Variants in SCML4 observed in about 807,000 individuals in gnomAD.
SCML4 encodes the protein Scm polycomb group protein like 4.
In SCML4, 34 loss-of-function variants were observed where a neutral mutation model predicts 41.1. The observed-to-expected ratio is 0.83, with a 90% confidence interval of 0.63 to 1.10. The LOEUF is 1.10. SCML4 is among the 50% of genes least tolerant of loss of function. The probability of loss-of-function intolerance (pLI) is 0.00; values close to 1 mark genes in which losing one functional copy is unlikely to be tolerated. For synonymous variants in SCML4, 214 were observed against 220.9 expected (o/e 0.97, Z 0.28); for missense variants, 522 against 534.1 (o/e 0.98, Z 0.22).
At chr6:107,734,276 A>G (rs115362906) in intron 5 of SCML4, among the ~76,000 whole-genome samples, 1 of 152,378 alleles carries the variant, frequency 6.6e-6, no homozygotes, top group African/African-American at 2.4e-5. Flanking sequence ...TTAGACAAGA[A>G]GAGTGTTCAC....
At chr6:107,762,577 A>G (rs1175822778) in intron 2 of SCML4, among the ~76,000 whole-genome samples, 2 of 152,224 alleles carry the variant, frequency 1.3e-5, no homozygotes, top group Non-Finnish European at 2.9e-5. Context: ...TCTTAATCCA[A>G]TGTGGCTGGT....
chr6:107,842,868 A>G, the SCML4 span, among the ~76,000 whole-genome samples: 1 of 151,944 alleles, frequency 6.6e-6, no homozygotes, highest in African/African-American at 2.4e-5. Context: ...CTTCTTGGAG[A>G]GTTGACCGTT....
chr6:107,803,226 C>T (rs192458857), intron 1 of SCML4, among the ~76,000 whole-genome samples: 143 of 56,240 alleles, frequency 2.5e-3, no homozygotes, highest in Middle Eastern at 9.6e-3. Context: ...GTGGGGAGCG[C>T]CTCTGCCCGG....
intron 1 of SCML4, among the ~76,000 whole-genome samples, chr6:107,816,021 C>T (rs1784530698): frequency 6.6e-6 from 1 of 152,214 alleles, no homozygotes; most frequent in Admixed American, 6.5e-5. Context: ...CATGAAAGAG[C>T]TCTTTCTCTT....
chr6:107,727,095 A>G (rs959715767), intron 5 of SCML4, among the ~76,000 whole-genome samples: 3 of 152,260 alleles, frequency 2.0e-5, no homozygotes, highest in Non-Finnish European at 4.4e-5. Context: ...AAGTACTGAT[A>G]TCTGTTACAG....
the SCML4 span, among the ~76,000 whole-genome samples, chr6:107,839,360 AGAAAGAAG>A: frequency 0.38 from 28,616 of 75,682 alleles, 3,873 homozygotes; most frequent in East Asian, 0.46. Context: ...AAAGAAAGAA[AGAAAGAAG>A]GAAAGAAAGA....
chr6:107,830,098 T>TC, the SCML4 span, among the ~76,000 whole-genome samples: 8 of 152,074 alleles, frequency 5.3e-5, no homozygotes, highest in Admixed American at 1.3e-4. Flanking sequence ...TCCCTATCCT[T>TC]CCCCACCCAA....
At chr6:107,843,079 T>G in the SCML4 span, among the ~76,000 whole-genome samples, 8 of 152,068 alleles carry the variant, frequency 5.3e-5, no homozygotes, top group Non-Finnish European at 1.2e-4. Flanking sequence ...ATGCATGCAA[T>G]CAAAATACCA....
intron 2 of SCML4, among the ~76,000 whole-genome samples, chr6:107,755,872 C>A (rs779700071): frequency 1.3e-5 from 2 of 152,044 alleles, no homozygotes; most frequent in Non-Finnish European, 2.9e-5. Flanking sequence ...ACTAAGGAAA[C>A]AAAACACACA....
intron 5 of SCML4, among the ~76,000 whole-genome samples, chr6:107,744,369 C>T (rs777294123): frequency 6.6e-6 from 1 of 152,194 alleles, no homozygotes; most frequent in African/African-American, 2.4e-5. Flanking sequence ...AGGTGCTCAA[C>T]CCCTAGGCCA....
intron 6 of SCML4, among the ~76,000 whole-genome samples, chr6:107,714,135 CTT>C (rs1774513703): frequency 6.6e-6 from 1 of 152,118 alleles, no homozygotes; most frequent in South Asian, 2.1e-4. Flanking sequence ...CCACTCAATC[CTT>C]AGAGTTTAAT....
At chr6:107,774,637 G>T (rs1780777810) in intron 1 of SCML4, among the ~76,000 whole-genome samples, 2 of 151,834 alleles carry the variant, frequency 1.3e-5, no homozygotes, top group South Asian at 4.1e-4. Flanking sequence ...TTCCTAGTTT[G>T]GGACATGCTT....
At chr6:107,706,666 G>A (rs1209563188) in intron 7 of SCML4, among the ~76,000 whole-genome samples, 1 of 152,170 alleles carries the variant, frequency 6.6e-6, no homozygotes, top group Non-Finnish European at 1.5e-5. Flanking sequence ...TTAAAGTAGG[G>A]AGATTATCCC....
At chr6:107,759,674 C>G (rs1779421303) in intron 2 of SCML4, among the ~76,000 whole-genome samples, 1 of 152,126 alleles carries the variant, frequency 6.6e-6, no homozygotes, top group South Asian at 2.1e-4. Flanking sequence ...ATTTGGTTAA[C>G]TAACTAGACT....
At chr6:107,778,659 T>C (rs1781231075) in intron 1 of SCML4, among the ~76,000 whole-genome samples, 1 of 152,172 alleles carries the variant, frequency 6.6e-6, no homozygotes, top group South Asian at 2.1e-4. Flanking sequence ...ATCTAACACA[T>C]ATCAACCAAG....
chr6:107,842,199 T>A, the SCML4 span, among the ~76,000 whole-genome samples: 1 of 152,218 alleles, frequency 6.6e-6, no homozygotes, highest in African/African-American at 2.4e-5. Context: ...AAGTGTGTTG[T>A]TTAATTTCCA....
intron 5 of SCML4, among the ~76,000 whole-genome samples, chr6:107,741,092 G>T (rs1268735921): frequency 1.3e-5 from 2 of 152,096 alleles, no homozygotes; most frequent in East Asian, 3.9e-4. Flanking sequence ...AAGTTTCGAG[G>T]CCGACTTCAA....
intron 1 of SCML4, among the ~76,000 whole-genome samples, chr6:107,823,530 C>A (rs1483334321): frequency 6.6e-6 from 1 of 152,060 alleles, no homozygotes; most frequent in Non-Finnish European, 1.5e-5. Context: ...AAACCAGAAA[C>A]TAGCAGTAAA....
chr6:107,826,304 A>T (rs201864238), upstream of SCML4, among the ~76,000 whole-genome samples: 1 of 83,990 alleles, frequency 1.2e-5, no homozygotes, highest in African/African-American at 1.4e-4. Flanking sequence ...GAAAGAAAAG[A>T]AAAAGAAGAA....
Sources: allele counts gnomAD v4.1 joint callset (sites outside exome capture counted in the v4.1 genomes callset), GRCh38; gene constraint gnomAD v4.1.1; transcripts MANE v1.5; gene names NCBI Gene and HGNC (gene_info 2026-07-23, HGNC 2026-07-21).